Variants in SH3BP4 observed in about 807,000 individuals in gnomAD.
The protein encoded by SH3BP4 is SH3 domain binding protein 4, also known as SH3 domain-binding protein 4.
SH3BP4 carries 33 observed loss-of-function variants against 65.5 expected under a neutral mutation model. The observed-to-expected ratio is 0.50, with a 90% CI of 0.38 to 0.67. The LOEUF is 0.67. Ranked by LOEUF, SH3BP4 falls within the 30% of genes least tolerant of loss-of-function variation. The pLI is 0.00. For synonymous variants in SH3BP4, 552 were observed against 545.5 expected, an observed-to-expected ratio of 1.01 and a Z score of -0.17; for missense variants, 1,134 against 1,261.4, an observed-to-expected ratio of 0.90 and a Z score of 1.53.
chr2:235,039,954 G>C (rs1328197139), intron 3 of SH3BP4, among the ~76,000 whole-genome samples: 1 of 152,228 alleles, frequency 6.6e-6, no homozygotes, highest in African/African-American at 2.4e-5. Context: ...AAGAGGTTGG[G>C]CCAGGCGCAG....
Position 234,998,495 on chromosome 2 carries a change from C to T in SH3BP4, c.-133+3119C>T, listed in dbSNP as rs1230694164. 6.6e-5 allele frequency among the ~76,000 whole-genome samples: 10 copies of T among 152,262 alleles called. No individual in the cohort carries two copies. The East Asian group carries it at 1.7e-3, about 26-fold the overall frequency. On this transcript the variant is annotated intron_variant, in intron 2 of 5. Transcript: ENST00000392011. ...CCATGTGGAAAGTCTTCAGGGGTCA[C>T]GTCAGACTGAGGTTCTCCAAAGTTC...
chr2:234,999,043 C>T (rs1281343921), intron 2 of SH3BP4, among the ~76,000 whole-genome samples: 1 of 152,196 alleles, frequency 6.6e-6, no homozygotes, highest in Non-Finnish European at 1.5e-5. Flanking sequence ...CTCTGCATTC[C>T]AGTGACAACG....
At chr2:234,956,711 G>A (rs528749099) in intron 1 of SH3BP4, among the ~76,000 whole-genome samples, 2 of 150,670 alleles carry the variant, frequency 1.3e-5, no homozygotes, top group South Asian at 2.1e-4. Flanking sequence ...ACACCAGCAC[G>A]CCCGGGTAGT....
Position 235,046,569 on chromosome 2 carries a change from C to A in SH3BP4, c.2478+3322C>A, listed in dbSNP as rs953209625. 3.3e-5 allele frequency among the ~76,000 whole-genome samples: 5 copies of A among 152,016 alleles called. No homozygotes were observed. Among genetic ancestry groups the A allele is most frequent in the African/African-American group, 1.2e-4 (5 of 41,374 alleles). ...CCTGGACAACAGAGTGAAACCCTGT[C>A]TTGAAAATAAAGGAAGAGAAGAAAA... On this transcript the variant is annotated intron_variant, in intron 4 of 5. Transcript: ENST00000392011. The surrounding 1 kb of genome is among the most constrained non-coding windows in gnomAD (Gnocchi z 4.2).
At chr2:234,964,944 C>A (rs1471969552) in intron 1 of SH3BP4, among the ~76,000 whole-genome samples, 1 of 152,108 alleles carries the variant, frequency 6.6e-6, no homozygotes, top group Non-Finnish European at 1.5e-5. Context: ...TGTTCCAGAC[C>A]CCCATCTTCA....
chr2:235,036,526 C>G (rs1695384198), intron 3 of SH3BP4, among the ~76,000 whole-genome samples: 1 of 151,930 alleles, frequency 6.6e-6, no homozygotes, highest in Non-Finnish European at 1.5e-5. Context: ...GAGGCCGAGG[C>G]AGGCGGATCA....
At chr2:235,029,799 G>A (rs1695121367) in intron 2 of SH3BP4, among the ~76,000 whole-genome samples, 2 of 152,192 alleles carry the variant, frequency 1.3e-5, no homozygotes, top group Non-Finnish European at 2.9e-5. Flanking sequence ...AGTCGGATCT[G>A]AGGCTCTGGG....
At chr2:235,003,476 G>A (rs931933788) in intron 2 of SH3BP4, among the ~76,000 whole-genome samples, 9 of 152,242 alleles carry the variant, frequency 5.9e-5, no homozygotes, top group African/African-American at 1.9e-4. Flanking sequence ...AGGATAGAGT[G>A]TCTGTTTACT....
chr2:235,008,838 C>T (rs1430157845), intron 2 of SH3BP4, among the ~76,000 whole-genome samples: 2 of 152,188 alleles, frequency 1.3e-5, no homozygotes, highest in African/African-American at 4.8e-5. Flanking sequence ...ACACTTTGCT[C>T]ATTTATGCTT....
intron 1 of SH3BP4, among the ~76,000 whole-genome samples, chr2:234,983,849 C>A (rs78348234): frequency 0.031 from 4,647 of 152,332 alleles, 112 homozygotes; most frequent in East Asian, 0.056. Context: ...AAGCAGCTCA[C>A]CCCCTCGGAG....
In SH3BP4 at chr2:235,052,658, G is replaced by A; in HGVS notation, c.2575G>A (p.Glu859Lys). 1 of 1,593,104 alleles carries A rather than the reference G, an allele frequency of 6.3e-7. No individual in the cohort carries two copies. Among genetic ancestry groups the A allele is most frequent in the Non-Finnish European group, 8.5e-7 (1 of 1,170,562 alleles). ...TAVEVAQRWRELAEKLAKVSK... is the reference protein window; with the variant it reads ...TAVEVAQRWRKLAEKLAKVSK... ...TGTAGAGGTGGCCCAGCGCTGGCGG[G>A]AGCTGGCTGAGAAGCTGGCCAAGGT... The change falls in exon 5 of 6, where the codon GAG becomes AAG. Residue 859 changes from glutamate (E) to lysine (K), a missense_variant. Physicochemically the swap from Glu to Lys is moderately conservative, Grantham distance 56. Transcript: ENST00000392011. This position sits in a 1 kb window ranked among gnomAD's most constrained non-coding sequence, Gnocchi z 5.0.
In SH3BP4 at chr2:234,967,492, C is replaced by T. The variant is rs577711360; in HGVS notation, c.-207+15322C>T. On this transcript the variant is annotated intron_variant, in intron 1 of 5. Coordinates refer to ENST00000392011, the MANE Select transcript of SH3BP4 (RefSeq NM_014521.3). The surrounding 1 kb of genome is among the most constrained non-coding windows in gnomAD (Gnocchi z 4.6). ...ACACGTGGGCTCTCCATCTTCCCTG[C>T]CTGCTTGGAGTCTCCTGCAGCAGTC... Among the ~76,000 whole-genome samples, 82 of 152,296 alleles carry T rather than the reference C, an allele frequency of 5.4e-4. No homozygotes were observed. Among genetic ancestry groups the T allele is most frequent in the Admixed American group, 5.4e-3 (82 of 15,300 alleles).
At chr2:234,989,253 C>T (rs753073329) in intron 1 of SH3BP4, among the ~76,000 whole-genome samples, 1 of 152,152 alleles carries the variant, frequency 6.6e-6, no homozygotes, top group Non-Finnish European at 1.5e-5. Context: ...AGGAGGATGG[C>T]GTCACTGTGC....
rs1436341685 is a variant in SH3BP4 at position 234,962,297 on chromosome 2, C to T, written c.-207+10127C>T. ...GATTAGAGGTGCATGCCACCACGCT[C>T]GGGTAATTTTTGTATTTGTAGTAGA... On this transcript the variant is annotated intron_variant, in intron 1 of 5. Transcript: ENST00000392011. Among the ~76,000 whole-genome samples the T allele has an allele frequency of 6.6e-5, 10 of 151,766 alleles. No individual in the cohort carries two copies. In the East Asian group the frequency reaches 1.6e-3, roughly 24 times the overall value.
At chr2:234,969,620 A>C (rs558816875) in intron 1 of SH3BP4, among the ~76,000 whole-genome samples, 1 of 152,376 alleles carries the variant, frequency 6.6e-6, no homozygotes. Context: ...GTGGTTGTAC[A>C]GAATAAGCCT....
At chr2:235,012,922 C>T (rs773243468) in intron 2 of SH3BP4, among the ~76,000 whole-genome samples, 86 of 152,348 alleles carry the variant, frequency 5.6e-4, no homozygotes, top group Non-Finnish European at 9.6e-4. Flanking sequence ...CCTCCAGGAG[C>T]AGGGCTGGCC....
intron 3 of SH3BP4, among the ~76,000 whole-genome samples, chr2:235,040,190 A>G (rs1174486186): frequency 3.3e-5 from 5 of 152,234 alleles, no homozygotes. Flanking sequence ...AGCTGAGATC[A>G]TGTCAATACA....
Position 235,041,697 on chromosome 2 carries a change from G to T in SH3BP4, c.928G>T (p.Gly310Cys). ...CTTGCTTGGCCAAAGCCCTGGTTGG[G>T]GCCAGACCCAAGCCGTGGAGACAAA... ...LDLLGQSPGW[G>C]QTQAVETNIV... Residue 310 changes from glycine (G) to cysteine (C), a missense_variant, in exon 4 of 6, where the codon GGC becomes TGC. Physicochemically the swap from Gly to Cys is radical, Grantham distance 159. Transcript: ENST00000392011. This position sits in a 1 kb window ranked among gnomAD's most constrained non-coding sequence, Gnocchi z 6.0. 6.2e-7 allele frequency: 1 copy of T among 1,612,890 alleles called. No homozygotes were observed. The highest frequency in any genetic ancestry group is 8.5e-7 in the Non-Finnish European group (1 of 1,179,328).
chr2:235,007,953 C>T (rs1694351859), intron 2 of SH3BP4, among the ~76,000 whole-genome samples: 1 of 152,188 alleles, frequency 6.6e-6, no homozygotes, highest in African/African-American at 2.4e-5. Flanking sequence ...AGGAGACCCT[C>T]TGAAGGAGGC....
Sources: allele counts gnomAD v4.1 joint callset (sites outside exome capture counted in the v4.1 genomes callset), GRCh38; gene constraint gnomAD v4.1.1; non-coding constraint Gnocchi (gnomAD v3.1); transcripts MANE v1.5; gene names NCBI Gene and HGNC (gene_info 2026-07-23, HGNC 2026-07-21).